CCDC158: variants seen among roughly 807,000 people sequenced by gnomAD.
The protein encoded by CCDC158 is coiled-coil domain containing 158.
CCDC158 carries 116 observed loss-of-function variants against 138.6 expected under a neutral mutation model. The observed-to-expected ratio is 0.84, with a 90% CI of 0.72 to 0.98. The LOEUF (loss-of-function observed/expected upper bound fraction) is 0.98. Ranked by LOEUF, CCDC158 falls within the 50% of genes least tolerant of loss-of-function variation. CCDC158 has a pLI of 0.00. For missense variants in CCDC158, 1,265 were observed against 1,306.1 expected, an observed-to-expected ratio of 0.97 and a Z score of 0.48; for synonymous variants, 436 against 442.4, an observed-to-expected ratio of 0.99 and a Z score of 0.18.
chr4:76,416,437 G>A (rs1266704174), intron 1 of CCDC158, among the ~76,000 whole-genome samples: 1 of 152,156 alleles, frequency 6.6e-6, no homozygotes, highest in South Asian at 2.1e-4. Flanking sequence ...ACCCTGTGGG[G>A]CTGGACTCTA....
intron 3 of CCDC158, among the ~76,000 whole-genome samples, chr4:76,400,928 T>C (rs1187346402): frequency 1.3e-5 from 2 of 152,052 alleles, no homozygotes; most frequent in African/African-American, 4.8e-5. Context: ...AAAGTGAAGA[T>C]AGAAAGAGGT....
At chr4:76,420,137 G>A (rs888080965) in intron 1 of CCDC158, among the ~76,000 whole-genome samples, 2 of 151,842 alleles carry the variant, frequency 1.3e-5, no homozygotes, top group African/African-American at 4.8e-5. Flanking sequence ...TACAGAGATA[G>A]GAGGACCACA....
At chr4:76,416,957 C>A (rs1034337742) in intron 1 of CCDC158, among the ~76,000 whole-genome samples, 2 of 152,130 alleles carry the variant, frequency 1.3e-5, no homozygotes, top group African/African-American at 4.8e-5. Flanking sequence ...TCCTCCAGAC[C>A]CCAGAATGGT....
chr4:76,409,703 C>T (rs1199034327), intron 2 of CCDC158, among the ~76,000 whole-genome samples: 11 of 151,986 alleles, frequency 7.2e-5, no homozygotes, highest in South Asian at 2.1e-4. Context: ...TGGTGGCGGG[C>T]GCCTGTATTC....
At chr4:76,389,257 AAG>A (rs1490083361) in intron 4 of CCDC158, among the ~76,000 whole-genome samples, 1 of 152,088 alleles carries the variant, frequency 6.6e-6, no homozygotes, top group African/African-American at 2.4e-5. Flanking sequence ...AAATTTAACA[AAG>A]AGATTAAAAT....
chr4:76,384,121 T>A lies in CCDC158; in HGVS notation c.693A>T (p.Thr231=). ...TCCTCCCTTTAAGATAAGAAATCTC[T>A]GTGTCTAATTCTCTTAGTATTTTAC... ...AISKILRELD[T]EISYLKGRIF... is the part of the protein sequence containing the mutation. The change falls in exon 6 of 25, where the codon ACA becomes ACT. Residue 231 remains threonine, a synonymous_variant. Coordinates refer to ENST00000682701, the MANE Select transcript of CCDC158 (RefSeq NM_001394954.1). 1 of 1,610,548 alleles carries A rather than the reference T, an allele frequency of 6.2e-7. No homozygotes were observed. Among genetic ancestry groups the A allele is most frequent in the South Asian group, 1.1e-5 (1 of 90,892 alleles).
intron 18 of CCDC158, among the ~76,000 whole-genome samples, chr4:76,335,851 G>A (rs1721434195): frequency 6.6e-6 from 1 of 151,994 alleles, no homozygotes; most frequent in Admixed American, 6.5e-5. Context: ...GGGATTACAG[G>A]TGTGAGCCAC....
chr4:76,315,253 C>T (rs146821225), intron 24 of CCDC158, among the ~76,000 whole-genome samples: 32 of 152,258 alleles, frequency 2.1e-4, no homozygotes, highest in East Asian at 1.7e-3. Flanking sequence ...ACAGTGGCCA[C>T]GGCAAGCCCT....
chr4:76,350,208 G>C (rs989810730), intron 18 of CCDC158, among the ~76,000 whole-genome samples: 4 of 152,116 alleles, frequency 2.6e-5, no homozygotes, highest in African/African-American at 9.7e-5. Context: ...TCTATTGTTT[G>C]ATAGACTACT....
chr4:76,320,913 G>C (rs936877101), intron 24 of CCDC158, among the ~76,000 whole-genome samples: 2 of 152,120 alleles, frequency 1.3e-5, no homozygotes, highest in African/African-American at 4.8e-5. Flanking sequence ...AAATAGATGG[G>C]ACCTAGTTAA....
rs561958327 is a variant in CCDC158 at position 76,344,984 on chromosome 4, G to A, written c.2664+6012C>T. The A allele has an allele frequency of 1.9e-5, 27 of 1,457,692 alleles. No individual in the cohort carries two copies. In the South Asian group the frequency reaches 3.0e-4, roughly 16 times the overall value. 90.3% of individuals were successfully genotyped at this position (1,457,692 alleles called of 1,614,324 possible). ...AGAAGTCCTTTTTACTGGAGTTAGG[G>A]AGGTAGATGACTTCTTTGAGCAAGA... On this transcript the variant is annotated intron_variant, in intron 18 of 24. Coordinates refer to ENST00000682701, the MANE Select transcript of CCDC158 (RefSeq NM_001394954.1).
At chr4:76,339,981 G>A (rs1356623892) in intron 18 of CCDC158, among the ~76,000 whole-genome samples, 1 of 152,134 alleles carries the variant, frequency 6.6e-6, no homozygotes, top group Non-Finnish European at 1.5e-5. Flanking sequence ...GAGTTTTTGG[G>A]TTATGAGAGC....
rs1383950526 is a variant in CCDC158, at chr4:76,379,378, A to G, written c.941T>C (p.Met314Thr). The G allele has an allele frequency of 6.2e-7, 1 of 1,604,670 alleles. No homozygotes were observed. Among genetic ancestry groups the G allele is most frequent in the Admixed American group, 1.7e-5 (1 of 57,556 alleles). The part of the protein sequence containing the change: ...IQEQARNQNS[M>T]YMRQLSDLES... ...CAGATCGCTGAGCTGACGCATATAC[A>G]TAGAGTTTTGGTTTCTTGCTTGCTC... is the stretch of plus-strand genomic sequence containing the variant. The change falls in exon 9 of 25, where the codon ATG (methionine) becomes ACG (threonine). Residue 314 changes from methionine to threonine, a missense_variant. Met to Thr is a moderately conservative substitution (Grantham distance 81). Transcript: ENST00000682701.
chr4:76,324,833 C>T (rs1270928234), intron 23 of CCDC158, among the ~76,000 whole-genome samples: 3 of 152,154 alleles, frequency 2.0e-5, no homozygotes, highest in South Asian at 2.1e-4. Flanking sequence ...GGCAAGTATA[C>T]CCTTTACCTA....
At chr4:76,323,830 G>C (rs896242197) in intron 23 of CCDC158, among the ~76,000 whole-genome samples, 2 of 152,164 alleles carry the variant, frequency 1.3e-5, no homozygotes, top group Non-Finnish European at 2.9e-5. Context: ...AGGTATGTGA[G>C]GCCAGTGCCC....
chr4:76,396,616 T>A (rs1207486579), intron 3 of CCDC158, 130 bp from the exon 4 acceptor site: 1 of 620,382 alleles, frequency 1.6e-6, no homozygotes, highest in Non-Finnish European at 2.8e-6. Context: ...GTTCAAGCAA[T>A]TCTCCTGCCT....
At chr4:76,389,836 A>G (rs1478258532) in intron 4 of CCDC158, among the ~76,000 whole-genome samples, 4 of 152,162 alleles carry the variant, frequency 2.6e-5, no homozygotes, top group African/African-American at 4.8e-5. Flanking sequence ...GAAAAAAACC[A>G]TCTACTGTAG....
intron 8 of CCDC158, among the ~76,000 whole-genome samples, chr4:76,380,708 A>G (rs1726151447): frequency 6.6e-6 from 1 of 150,760 alleles, no homozygotes; most frequent in Non-Finnish European, 1.5e-5. Flanking sequence ...AGAAATTTGC[A>G]TAAGAAGAGG....
rs540753968 is a variant in CCDC158 at position 76,363,014 on chromosome 4, G to A, written c.1831-699C>T. Reference sequence around the variant, plus strand: ...TCTCCTCAAAAAGGCCGCTTACAAGGTTGGCCCTTGACTGTCGTCTGGGAA... The same window carrying A: ...TCTCCTCAAAAAGGCCGCTTACAAGATTGGCCCTTGACTGTCGTCTGGGAA... On this transcript the variant is annotated intron_variant, in intron 12 of 24. Transcript: ENST00000682701. Among the ~76,000 whole-genome samples the A allele has an allele frequency of 2.2e-4, 33 of 152,290 alleles. 2 individuals carry two copies. The South Asian group carries it at 6.4e-3, about 30-fold the overall frequency.
Sources: allele counts gnomAD v4.1 joint callset (sites outside exome capture counted in the v4.1 genomes callset), GRCh38; gene constraint gnomAD v4.1.1; transcripts MANE v1.5; gene names NCBI Gene and HGNC (gene_info 2026-07-23, HGNC 2026-07-21).